Variants in TANC2 observed in about 807,000 individuals in gnomAD.
The protein encoded by TANC2 is tetratricopeptide repeat, ankyrin repeat and coiled-coil containing 2.
A neutral mutation model predicts 210.5 loss-of-function variants in TANC2; 26 were observed. The observed-to-expected ratio is 0.12, with a 90% CI of 0.09 to 0.17. TANC2 has a LOEUF of 0.17. TANC2 is among the 10% of genes least tolerant of loss of function. The probability of loss-of-function intolerance (pLI) is 1.00; values close to 1 mark genes in which losing one functional copy is unlikely to be tolerated. For synonymous variants in TANC2, 931 were observed against 967.1 expected, an observed-to-expected ratio of 0.96 and a Z score of 0.69; for missense variants, 2,129 against 2,608.9, an observed-to-expected ratio of 0.82 and a Z score of 4.01.
chr17:63,075,742 C>A (rs1381465926), intron 3 of TANC2, among the ~76,000 whole-genome samples: 1 of 151,948 alleles, frequency 6.6e-6, no homozygotes, highest in African/African-American at 2.4e-5. Flanking sequence ...GGTCTCGGAA[C>A]TTCTGACCTC....
At chr17:63,039,709 C>T (rs1317267719) in intron 2 of TANC2, among the ~76,000 whole-genome samples, 3 of 152,052 alleles carry the variant, frequency 2.0e-5, no homozygotes, top group Non-Finnish European at 4.4e-5. Flanking sequence ...AGATAAAAGC[C>T]TTGGATGTGG....
chr17:63,088,251 A>G (rs1381275225), intron 3 of TANC2: 1 of 152,160 alleles, frequency 6.6e-6, no homozygotes, highest in African/African-American at 2.4e-5. Context: ...GTTTCTTTCC[A>G]GTGTGACTTT....
chr17:63,137,472 A>T (rs1262945356), intron 4 of TANC2, among the ~76,000 whole-genome samples: 2 of 152,152 alleles, frequency 1.3e-5, no homozygotes. Flanking sequence ...ATTTTGTTGG[A>T]TATCTTTTAT....
intron 7 of TANC2, among the ~76,000 whole-genome samples, chr17:63,201,606 G>A (rs1019785296): frequency 1.3e-5 from 2 of 149,592 alleles, no homozygotes; most frequent in African/African-American, 4.9e-5. Context: ...TTTTCCCCTC[G>A]TGAATTTTCT....
intron 1 of TANC2, among the ~76,000 whole-genome samples, chr17:63,000,968 C>CAAA (rs3060700): frequency 8.2e-6 from 1 of 121,980 alleles, no homozygotes; most frequent in Admixed American, 8.6e-5. Context: ...TTAGAACTAG[C>CAAA]AAAAAAAAAA....
At chr17:63,140,999 C>T (rs759292153) in intron 4 of TANC2, among the ~76,000 whole-genome samples, 68 of 152,054 alleles carry the variant, frequency 4.5e-4, no homozygotes, top group Non-Finnish European at 8.1e-4. Flanking sequence ...ATTCACCTGC[C>T]TTGGCCTCCC....
intron 5 of TANC2, among the ~76,000 whole-genome samples, chr17:63,172,710 C>T (rs1029264946): frequency 6.6e-6 from 1 of 152,014 alleles, no homozygotes; most frequent in Non-Finnish European, 1.5e-5. Context: ...AACCTAAGAA[C>T]TCAGAGGAAG....
intron 9 of TANC2, among the ~76,000 whole-genome samples, chr17:63,268,569 AT>A (rs911595198): frequency 2.0e-5 from 3 of 152,228 alleles, no homozygotes; most frequent in Non-Finnish European, 4.4e-5. Flanking sequence ...AGCATTTTAA[AT>A]AAGGGATACT....
intron 2 of TANC2, among the ~76,000 whole-genome samples, chr17:63,017,633 T>A (rs1284539210): frequency 6.6e-6 from 1 of 152,208 alleles, no homozygotes; most frequent in Non-Finnish European, 1.5e-5. Flanking sequence ...ATGTTACTTT[T>A]ATACTCTCCA....
At chr17:62,981,543 A>G (rs1314187296) in intron 1 of TANC2, among the ~76,000 whole-genome samples, 1 of 152,024 alleles carries the variant, frequency 6.6e-6, no homozygotes, top group Admixed American at 6.5e-5. Flanking sequence ...ATCTGACTAT[A>G]TTACCTACAA....
chr17:63,154,195 T>C (rs143775833), intron 5 of TANC2: 2 of 152,220 alleles, frequency 1.3e-5, no homozygotes, highest in African/African-American at 4.8e-5. Flanking sequence ...TTCCGGGAAT[T>C]GTGTGTGTTA....
chr17:63,285,522 G>A (rs1472772339), intron 9 of TANC2, among the ~76,000 whole-genome samples: 2 of 151,990 alleles, frequency 1.3e-5, no homozygotes, highest in Non-Finnish European at 2.9e-5. Context: ...GGATTCCCTG[G>A]GAAGACTCAC....
chr17:63,097,666 C>T (rs1342747473), intron 3 of TANC2, among the ~76,000 whole-genome samples: 1 of 151,934 alleles, frequency 6.6e-6, no homozygotes, highest in African/African-American at 2.4e-5. Context: ...ATGCAGCCCA[C>T]GGGCTAGATA....
intron 7 of TANC2, among the ~76,000 whole-genome samples, chr17:63,202,237 T>G (rs964676635): frequency 2.0e-5 from 3 of 152,146 alleles, no homozygotes; most frequent in African/African-American, 7.2e-5. Flanking sequence ...AGACTCCTTT[T>G]GACAAATAAG....
chr17:63,298,719 T>C (rs971732823), intron 9 of TANC2, among the ~76,000 whole-genome samples: 2 of 152,176 alleles, frequency 1.3e-5, no homozygotes, highest in African/African-American at 4.8e-5. Flanking sequence ...GAAGAATATA[T>C]GTAAAAACCT....
intron 9 of TANC2, among the ~76,000 whole-genome samples, chr17:63,291,849 G>A (rs978163171): frequency 2.0e-5 from 3 of 152,124 alleles, no homozygotes; most frequent in Admixed American, 2.0e-4. Context: ...ACAGTGGAAT[G>A]GGAAAAGAGG....
chr17:63,105,992 T>G (rs769017208), intron 4 of TANC2, among the ~76,000 whole-genome samples: 4 of 151,686 alleles, frequency 2.6e-5, no homozygotes, highest in Non-Finnish European at 4.4e-5. Context: ...CTAAGACTTT[T>G]AAGCTCTTTT....
chr17:63,016,919 A>G (rs1191921290), intron 2 of TANC2, among the ~76,000 whole-genome samples: 4 of 152,024 alleles, frequency 2.6e-5, no homozygotes, highest in Non-Finnish European at 5.9e-5. Context: ...ATTCACTTGG[A>G]GGAGTTATTT....
At chr17:63,340,929 C>G (rs1490116743) in intron 12 of TANC2, among the ~76,000 whole-genome samples, 3 of 152,164 alleles carry the variant, frequency 2.0e-5, no homozygotes, top group East Asian at 3.8e-4. Context: ...ATGCTCATGC[C>G]TTTCCTCCCT....
Sources: allele counts gnomAD v4.1 joint callset (sites outside exome capture counted in the v4.1 genomes callset), GRCh38; gene constraint gnomAD v4.1.1; transcripts MANE v1.5; gene names NCBI Gene and HGNC (gene_info 2026-07-23, HGNC 2026-07-21).